NLGN4Y: variants seen among roughly 807,000 people sequenced by gnomAD.
NLGN4Y encodes the protein neuroligin-4, Y-linked.
In NLGN4Y, 4 loss-of-function variants were observed where a neutral mutation model predicts 8.4. The observed-to-expected ratio is 0.48, with a 90% confidence interval of 0.23 to 1.09. NLGN4Y has a LOEUF of 1.09. Ranked by LOEUF, NLGN4Y falls within the 50% of genes least tolerant of loss-of-function variation. NLGN4Y has a pLI of 0.19. For synonymous variants in NLGN4Y, 35 were observed against 75.6 expected (o/e 0.46, Z 2.78); for missense variants, 90 against 192.3 (o/e 0.47, Z 3.15).
At chrY:14,586,715 C>A in intron 1 of NLGN4Y, among the ~76,000 whole-genome samples, 1 of 32,241 alleles carries the variant, frequency 3.1e-5, no homozygotes. Flanking sequence ...GTAATCACAG[C>A]TACACAGAAG....
intron 2 of NLGN4Y, chrY:14,640,175 G>C: frequency 8.5e-6 from 1 of 118,325 alleles, no homozygotes; most frequent in Non-Finnish European, 1.8e-5. Context: ...GCTGCACATC[G>C]AAGGCACAGT....
At chrY:14,615,034 G>A (rs1037548571) in intron 1 of NLGN4Y, among the ~76,000 whole-genome samples, 4 of 32,867 alleles carry the variant, frequency 1.2e-4, no homozygotes, top group Admixed American at 1.1e-3. Context: ...TCGGCAATAT[G>A]GCCATTTTCA....
At chrY:14,777,038 C>T in intron 4 of NLGN4Y, among the ~76,000 whole-genome samples, 18 of 32,525 alleles carry the variant, frequency 5.5e-4, no homozygotes, top group Admixed American at 5.1e-3. Context: ...TAAACTTGAC[C>T]CTGATTTTTT....
intron 4 of NLGN4Y, among the ~76,000 whole-genome samples, chrY:14,783,651 A>T: frequency 2.9e-5 from 1 of 34,014 alleles, no homozygotes; most frequent in Non-Finnish European, 7.3e-5. Flanking sequence ...AGGATGAGAC[A>T]TGCATTTAAA....
chrY:14,703,013 G>T (rs2080859952), intron 2 of NLGN4Y, among the ~76,000 whole-genome samples: 1 of 32,931 alleles, frequency 3.0e-5, no homozygotes, highest in Non-Finnish European at 7.5e-5. Flanking sequence ...GGGTTTTTTT[G>T]TTTTTCTCTT....
intron 4 of NLGN4Y, among the ~76,000 whole-genome samples, chrY:14,758,262 G>A: frequency 3.0e-5 from 1 of 33,371 alleles, no homozygotes; most frequent in Non-Finnish European, 7.4e-5. Flanking sequence ...TTTGCAAATG[G>A]ATTAAGGGCA....
chrY:14,641,341 A>G (rs1012776779), intron 2 of NLGN4Y, among the ~76,000 whole-genome samples: 2 of 33,736 alleles, frequency 5.9e-5, no homozygotes, highest in Admixed American at 2.7e-4. Flanking sequence ...ATGCAACGAC[A>G]AAGACAAAAA....
At chrY:14,579,876 T>A (rs2080310251) in intron 1 of NLGN4Y, among the ~76,000 whole-genome samples, 1 of 32,273 alleles carries the variant, frequency 3.1e-5, no homozygotes, top group African/African-American at 1.2e-4. Context: ...CTAAGAAATC[T>A]GAAAGCATTT....
intron 1 of NLGN4Y, among the ~76,000 whole-genome samples, chrY:14,553,236 A>G: frequency 2.1e-4 from 7 of 33,088 alleles, no homozygotes; most frequent in Admixed American, 1.7e-3. Context: ...GACCTCTCCA[A>G]GGAGAGCTAC....
intron 5 of NLGN4Y, among the ~76,000 whole-genome samples, chrY:14,824,900 G>A: frequency 3.0e-5 from 1 of 33,303 alleles, no homozygotes; most frequent in Admixed American, 2.7e-4. Flanking sequence ...GGACACTATT[G>A]TTTCTTTTGA....
At chrY:14,537,801 A>G in intron 1 of NLGN4Y, among the ~76,000 whole-genome samples, 1 of 33,303 alleles carries the variant, frequency 3.0e-5, no homozygotes, top group East Asian at 7.9e-4. Flanking sequence ...GTGTGGTGTC[A>G]TGCACCTGTA....
intron 2 of NLGN4Y, among the ~76,000 whole-genome samples, chrY:14,663,362 C>G: frequency 3.0e-5 from 1 of 33,042 alleles, no homozygotes; most frequent in Admixed American, 2.8e-4. Flanking sequence ...CTTTGATATA[C>G]TGATTTCCTT....
rs1045865286 is a variant in NLGN4Y at position 14,688,847 on chromosome Y, C to G, written c.473-30612C>G. ...ATATATATTAAATATAATATTATAT[C>G]ATATATAATATATATGATAGGAGGT... On this transcript the variant is annotated intron_variant, in intron 2 of 6. Coordinates refer to ENST00000684976, the MANE Select transcript of NLGN4Y (RefSeq NM_001365588.1). 5.3e-4 allele frequency among the ~76,000 whole-genome samples: 15 copies of G among 28,190 alleles called. No homozygotes were observed. In the South Asian group the frequency reaches 0.012, roughly 22 times the overall value. The allele number at this position is 28,190 out of a possible 37,273, so 75.6% of individuals were successfully genotyped here.
intron 4 of NLGN4Y, among the ~76,000 whole-genome samples, chrY:14,786,408 G>C (rs2042967413): frequency 3.0e-5 from 1 of 33,056 alleles, no homozygotes; most frequent in Non-Finnish European, 7.4e-5. Flanking sequence ...AATGCAAGTG[G>C]CTTTGCAGAA....
chrY:14,607,944 G>C (rs2080452800), intron 1 of NLGN4Y, among the ~76,000 whole-genome samples: 1 of 34,207 alleles, frequency 2.9e-5, no homozygotes. Flanking sequence ...TCTCATTGTG[G>C]TTTTGATTTG....
At chrY:14,573,150 G>T (rs1283318783) in intron 1 of NLGN4Y, among the ~76,000 whole-genome samples, 2 of 33,385 alleles carry the variant, frequency 6.0e-5, no homozygotes. Flanking sequence ...TCTATTGATT[G>T]CATTAGTTTC....
chrY:14,753,990 C>T (rs2081050107), intron 4 of NLGN4Y, among the ~76,000 whole-genome samples: 4 of 32,782 alleles, frequency 1.2e-4, no homozygotes, highest in Non-Finnish European at 3.0e-4. Flanking sequence ...GACAGGGTCT[C>T]ATTCTGTCAT....
chrY:14,531,381 C>T (rs2080114370), intron 1 of NLGN4Y, among the ~76,000 whole-genome samples: 1 of 32,056 alleles, frequency 3.1e-5, no homozygotes, highest in African/African-American at 1.2e-4. Flanking sequence ...TATACAACTT[C>T]TATACTTGAA....
intron 1 of NLGN4Y, among the ~76,000 whole-genome samples, chrY:14,590,152 T>C (rs2080363828): frequency 2.9e-5 from 1 of 34,115 alleles, no homozygotes; most frequent in Admixed American, 2.5e-4. Context: ...CCCCAGTTCC[T>C]GCTCACTCCT....
Sources: allele counts gnomAD v4.1 joint callset (sites outside exome capture counted in the v4.1 genomes callset), GRCh38; gene constraint gnomAD v4.1.1; transcripts MANE v1.5; gene names NCBI Gene and HGNC (gene_info 2026-07-23, HGNC 2026-07-21).